Variants in CDC14A observed in about 807,000 individuals in gnomAD.
CDC14A encodes the protein dual specificity protein phosphatase CDC14A.
CDC14A carries 53 observed loss-of-function variants against 74.4 expected under a neutral mutation model. The ratio of observed to expected loss-of-function variants is 0.71; its 90% CI spans 0.57 to 0.89. The LOEUF is 0.89. Ranked by LOEUF, CDC14A falls within the 40% of genes least tolerant of loss-of-function variation. CDC14A has a pLI of 0.00. For synonymous variants in CDC14A, 247 were observed against 258.4 expected, an observed-to-expected ratio of 0.96 and a Z score of 0.43; for missense variants, 646 against 713.7, an observed-to-expected ratio of 0.91 and a Z score of 1.08.
At chr1:100,469,971 C>A (rs1011702595) in intron 10 of CDC14A, among the ~76,000 whole-genome samples, 2 of 152,114 alleles carry the variant, frequency 1.3e-5, no homozygotes, top group Non-Finnish European at 2.9e-5. Flanking sequence ...AAAGAACTCT[C>A]AAAACTCAAG....
chr1:100,399,181 G>A (rs770545191), intron 4 of CDC14A, among the ~76,000 whole-genome samples: 17 of 152,076 alleles, frequency 1.1e-4, no homozygotes, highest in Non-Finnish European at 2.2e-4. Context: ...TGATTGCAGT[G>A]TAGTTTTTTG....
Position 100,377,611 on chromosome 1 carries a change from A to G in CDC14A, c.206A>G (p.Lys69Arg). The change falls in exon 3 of 16, where the codon AAG becomes AGG. Residue 69 changes from lysine to arginine, a missense_variant. Lys to Arg is a conservative substitution (Grantham distance 26). Transcript: ENST00000336454. Reference protein sequence around the residue: ...MVYRYCCKLNKKLKSYSLSRK... With the variant: ...MVYRYCCKLNRKLKSYSLSRK... Reference sequence around the variant, plus strand: ...TACAGATATTGCTGCAAACTAAACAAGAAACTAAAAGTGAGTATTGTAGTG... The same window carrying G: ...TACAGATATTGCTGCAAACTAAACAGGAAACTAAAAGTGAGTATTGTAGTG... The G allele has an allele frequency of 1.2e-6, 2 of 1,610,260 alleles. No individual in the cohort carries two copies. Among genetic ancestry groups the G allele is most frequent in the Non-Finnish European group, 1.7e-6 (2 of 1,176,656 alleles).
At chr1:100,469,090 C>T (rs1389994231) in intron 10 of CDC14A, among the ~76,000 whole-genome samples, 1 of 151,994 alleles carries the variant, frequency 6.6e-6, no homozygotes, top group Admixed American at 6.6e-5. Flanking sequence ...CATTCTTTTC[C>T]ATATAATTAT....
intron 15 of CDC14A, among the ~76,000 whole-genome samples, chr1:100,502,673 C>G (rs1295127830): frequency 6.6e-6 from 1 of 152,194 alleles, no homozygotes; most frequent in Non-Finnish European, 1.5e-5. Flanking sequence ...GGTAGCTTGA[C>G]AAGAATAATG....
intron 2 of CDC14A, among the ~76,000 whole-genome samples, chr1:100,359,520 A>G (rs1018284528): frequency 1.3e-5 from 2 of 152,178 alleles, no homozygotes; most frequent in Non-Finnish European, 2.9e-5. Context: ...TGTGCCACTG[A>G]CAGTATATGC....
At chr1:100,383,549 C>T (rs1030496007) in intron 3 of CDC14A, 4 of 152,580 alleles carry the variant, frequency 2.6e-5, no homozygotes, top group African/African-American at 9.7e-5. Flanking sequence ...ACAGGAAGAC[C>T]TGCTCATTTT....
chr1:100,471,827 A>G (rs1410721709), intron 10 of CDC14A, among the ~76,000 whole-genome samples: 2 of 152,118 alleles, frequency 1.3e-5, no homozygotes, highest in South Asian at 2.1e-4. Context: ...CTCACAACCT[A>G]TTTTTTAAAG....
At chr1:100,487,601 A>G (rs1164014497) in intron 11 of CDC14A, among the ~76,000 whole-genome samples, 1 of 152,056 alleles carries the variant, frequency 6.6e-6, no homozygotes, top group African/African-American at 2.4e-5. Flanking sequence ...AAAACAAAAA[A>G]CAAAAATACA....
intron 10 of CDC14A, among the ~76,000 whole-genome samples, chr1:100,479,355 G>T (rs1367007446): frequency 6.6e-6 from 1 of 152,140 alleles, no homozygotes; most frequent in East Asian, 1.9e-4. Context: ...TGAACTCCGA[G>T]ATTTTAGTGC....
chr1:100,429,206 A>AAAATAAAT lies in CDC14A; in HGVS notation c.389+4927_389+4934dup, dbSNP rs10529924. Reference sequence around the variant, plus strand: ...GCAACAGAACAAGACTCCATCTCAAAAAATAAATAAATAAATAAATAAATA... The same window carrying AAAATAAAT: ...GCAACAGAACAAGACTCCATCTCAAAAAATAAATAAATAAATAAATAAATAAATAAATA... On this transcript the variant is annotated intron_variant, in intron 5 of 15. Transcript: ENST00000336454. Among the ~76,000 whole-genome samples the AAAATAAAT allele has an allele frequency of 4.7e-3, 538 of 113,390 alleles. 1 individual carries two copies. The highest frequency in any genetic ancestry group is 0.013 in the African/African-American group (259 of 19,286). 74.4% of individuals were successfully genotyped at this position (113,390 alleles called of 152,430 possible). A position where few individuals can be genotyped will look rare whatever the true frequency, so the allele number is the denominator to read the frequency against.
intron 4 of CDC14A, among the ~76,000 whole-genome samples, chr1:100,422,733 G>A (rs1662511362): frequency 6.6e-6 from 1 of 152,088 alleles, no homozygotes; most frequent in Admixed American, 6.5e-5. Flanking sequence ...AGACCTTCAT[G>A]TTTACTTGCC....
At chr1:100,504,665 T>C (rs535603854) in intron 15 of CDC14A, 2 of 603,572 alleles carry the variant, frequency 3.3e-6, no homozygotes, top group East Asian at 2.8e-5. Context: ...TATTTCCCTG[T>C]TCAGAAATGA....
intron 8 of CDC14A, among the ~76,000 whole-genome samples, chr1:100,459,805 A>T (rs577293543): frequency 5.3e-4 from 81 of 152,164 alleles, no homozygotes; most frequent in Non-Finnish European, 9.7e-4. Context: ...CGCAAAAAGC[A>T]CTCACGTACA....
chr1:100,436,801 G>T (rs1664396095), intron 5 of CDC14A, among the ~76,000 whole-genome samples: 1 of 152,090 alleles, frequency 6.6e-6, no homozygotes, highest in Non-Finnish European at 1.5e-5. Flanking sequence ...TCATCTAAAT[G>T]ATTTCTAGCT....
intron 15 of CDC14A, among the ~76,000 whole-genome samples, chr1:100,503,659 T>C (rs572953422): frequency 2.0e-5 from 3 of 152,358 alleles, no homozygotes; most frequent in Admixed American, 2.0e-4. Context: ...CTTTTGCTAG[T>C]CTTGCAGTTT....
chr1:100,490,368 T>A (rs1205402585), intron 11 of CDC14A, among the ~76,000 whole-genome samples: 4 of 152,238 alleles, frequency 2.6e-5, no homozygotes, highest in Non-Finnish European at 5.9e-5. Flanking sequence ...AATTTTATAG[T>A]TTATATGTTC....
intron 7 of CDC14A, among the ~76,000 whole-genome samples, chr1:100,449,702 C>T (rs561670285): frequency 6.6e-6 from 1 of 152,266 alleles, no homozygotes; most frequent in South Asian, 2.1e-4. Flanking sequence ...TTTTGGGCAG[C>T]AACTTTGTCT....
intron 2 of CDC14A, among the ~76,000 whole-genome samples, chr1:100,369,486 G>A (rs1654126823): frequency 6.6e-6 from 1 of 152,168 alleles, no homozygotes; most frequent in Non-Finnish European, 1.5e-5. Flanking sequence ...CTGATGATTA[G>A]TGATGTTGAT....
intron 6 of CDC14A, among the ~76,000 whole-genome samples, chr1:100,440,888 G>A (rs6691409): frequency 0.02 from 3,014 of 152,136 alleles, 109 homozygotes; most frequent in African/African-American, 0.069. Context: ...ACTTTAAAAT[G>A]GTTTTCAAAT....
Sources: allele counts gnomAD v4.1 joint callset (sites outside exome capture counted in the v4.1 genomes callset), GRCh38; gene constraint gnomAD v4.1.1; transcripts MANE v1.5; gene names NCBI Gene and HGNC (gene_info 2026-07-23, HGNC 2026-07-21).